The following TENM3 variants were observed in gnomAD, a reference collection of about 807,000 sequenced individuals.
TENM3 encodes the protein teneurin-3.
A neutral mutation model predicts 255.1 loss-of-function variants in TENM3; 63 were observed. The observed-to-expected ratio is 0.25, with a 90% confidence interval of 0.20 to 0.30. TENM3 has a LOEUF of 0.30. TENM3 is among the 10% of genes least tolerant of loss of function. The pLI is 1.00. For synonymous variants in TENM3, 1,306 were observed against 1,322.3 expected, an observed-to-expected ratio of 0.99 and a Z score of 0.27; for missense variants, 2,929 against 3,461.1, an observed-to-expected ratio of 0.85 and a Z score of 3.86.
rs529786665 is a variant in TENM3, at chr4:182,799,724, G to A, written c.7473G>A (p.Thr2491=). The part of the protein sequence containing the change: ...GGAQSWLWFA[T]VKSLIGKGVM... ...CGCAGTCCTGGCTGTGGTTCGCCAC[G>A]GTCAAGTCGCTGATCGGCAAGGGCG... Residue 2491 remains threonine, a synonymous_variant, in exon 28 of 28, where the codon ACG becomes ACA. Transcript: ENST00000511685. This position sits in a 1 kb window ranked among gnomAD's most constrained non-coding sequence, Gnocchi z 4.2. 5 of 1,554,262 alleles carry A rather than the reference G, an allele frequency of 3.2e-6. No individual in the cohort carries two copies. The South Asian group carries it at 3.6e-5, about 11-fold the overall frequency.
intron 1 of TENM3, among the ~76,000 whole-genome samples, chr4:182,176,339 T>G (rs1345799139): frequency 6.6e-6 from 1 of 152,120 alleles, no homozygotes; most frequent in African/African-American, 2.4e-5. Context: ...TTACCTCCTC[T>G]GTGTGATTCA....
the TENM3 span, among the ~76,000 whole-genome samples, chr4:182,014,507 T>C: frequency 1.3e-5 from 2 of 152,296 alleles, no homozygotes; most frequent in East Asian, 3.9e-4. Context: ...GAATGTATTA[T>C]TAAAATTCAG....
the TENM3 span, among the ~76,000 whole-genome samples, chr4:181,478,750 T>G: frequency 6.6e-6 from 1 of 152,186 alleles, no homozygotes; most frequent in Non-Finnish European, 1.5e-5. Context: ...CATCTGCCTT[T>G]CCATAAGCCA....
chr4:182,414,157 A>G (rs1770204367), intron 3 of TENM3, among the ~76,000 whole-genome samples: 1 of 152,200 alleles, frequency 6.6e-6, no homozygotes, highest in Non-Finnish European at 1.5e-5. Context: ...TCCTTTAGAC[A>G]GTGGCAACTA....
chr4:181,759,923 G>A, the TENM3 span, among the ~76,000 whole-genome samples: 1 of 152,068 alleles, frequency 6.6e-6, no homozygotes. Context: ...CTGAGGCACT[G>A]ACTGAACAGG....
intron 3 of TENM3, among the ~76,000 whole-genome samples, chr4:182,359,081 G>A (rs1047497586): frequency 6.6e-6 from 1 of 151,618 alleles, no homozygotes; most frequent in African/African-American, 2.4e-5. Flanking sequence ...ACTTGATCAT[G>A]GTGGATAAGC....
intron 6 of TENM3, among the ~76,000 whole-genome samples, chr4:182,671,212 C>T (rs2152549278): frequency 6.6e-6 from 1 of 152,286 alleles, no homozygotes; most frequent in Middle Eastern, 3.4e-3. Context: ...TTATGTTACT[C>T]TCCCCATTTT....
intron 15 of TENM3, 79 bp from the exon 16 acceptor site, chr4:182,730,799 C>T (rs1760634409): frequency 3.5e-6 from 5 of 1,440,200 alleles, no homozygotes; most frequent in Non-Finnish European, 4.7e-6. Flanking sequence ...CTTTATAAAG[C>T]ATATTAACTT....
the TENM3 span, among the ~76,000 whole-genome samples, chr4:182,033,350 G>A: frequency 6.6e-5 from 10 of 152,278 alleles, no homozygotes; most frequent in South Asian, 2.1e-3. Context: ...TAGTTGTGTG[G>A]TTTTGAGTGA....
At chr4:182,496,976 T>C (rs1311560086) in intron 3 of TENM3, among the ~76,000 whole-genome samples, 1 of 151,952 alleles carries the variant, frequency 6.6e-6, no homozygotes, top group Non-Finnish European at 1.5e-5. Flanking sequence ...GTAGCATAAA[T>C]AATTAACAAG....
intron 1 of TENM3, among the ~76,000 whole-genome samples, chr4:182,161,680 TA>T (rs1751230268): frequency 7.9e-6 from 1 of 126,854 alleles, no homozygotes; most frequent in African/African-American, 3.1e-5. Flanking sequence ...TATATGTATA[TA>T]TATACACAAA....
chr4:182,503,851 A>T (rs1736555623), intron 3 of TENM3, among the ~76,000 whole-genome samples: 1 of 152,152 alleles, frequency 6.6e-6, no homozygotes, highest in Non-Finnish European at 1.5e-5. Context: ...CTTACTCCTT[A>T]CTTCCTTCAA....
chr4:182,452,163 T>C (rs1228067214), intron 3 of TENM3, among the ~76,000 whole-genome samples: 2 of 152,260 alleles, frequency 1.3e-5, no homozygotes, highest in South Asian at 2.1e-4. Context: ...TTATCATAGA[T>C]GTGAGTGCTT....
chr4:181,709,399 C>G, the TENM3 span, among the ~76,000 whole-genome samples: 2 of 152,076 alleles, frequency 1.3e-5, no homozygotes, highest in Non-Finnish European at 2.9e-5. Context: ...TCAGTGAATG[C>G]CATGAAGAAA....
intron 3 of TENM3, among the ~76,000 whole-genome samples, chr4:182,491,075 A>G (rs959857542): frequency 6.6e-6 from 1 of 152,226 alleles, no homozygotes; most frequent in Non-Finnish European, 1.5e-5. Context: ...TGAGGCAGTC[A>G]GCCTGCTCCT....
intron 3 of TENM3, among the ~76,000 whole-genome samples, chr4:182,588,360 T>A (rs1284911142): frequency 6.6e-6 from 1 of 152,196 alleles, no homozygotes. Flanking sequence ...ACTATGTGAT[T>A]TGCTTTCCTT....
the TENM3 span, among the ~76,000 whole-genome samples, chr4:181,472,061 G>A: frequency 6.6e-6 from 1 of 152,090 alleles, no homozygotes; most frequent in African/African-American, 2.4e-5. Flanking sequence ...AAAGGAGAGA[G>A]AAGGTCAAAG....
chr4:182,591,867 C>G (rs866348774), intron 3 of TENM3, among the ~76,000 whole-genome samples: 1 of 151,874 alleles, frequency 6.6e-6, no homozygotes, highest in Non-Finnish European at 1.5e-5. Context: ...AAAAGAAAAC[C>G]CCTGAATATC....
At chr4:181,674,124 T>C in the TENM3 span, among the ~76,000 whole-genome samples, 3 of 152,128 alleles carry the variant, frequency 2.0e-5, no homozygotes, top group South Asian at 2.1e-4. Context: ...GCCTCCCAAG[T>C]AGCTGGGACT....
Sources: allele counts gnomAD v4.1 joint callset (sites outside exome capture counted in the v4.1 genomes callset), GRCh38; gene constraint gnomAD v4.1.1; non-coding constraint Gnocchi (gnomAD v3.1); transcripts MANE v1.5; gene names NCBI Gene and HGNC (gene_info 2026-07-23, HGNC 2026-07-21).